The following CSTPP1 variants were observed in gnomAD, a reference collection of about 807,000 sequenced individuals.
The protein encoded by CSTPP1 is centriolar satellite-associated tubulin polyglutamylase complex regulator 1, also known as UPF0705 protein C11orf49.
At chr11:47,054,168 G>A in the CSTPP1 span, among the ~76,000 whole-genome samples, 25 of 150,946 alleles carry the variant, frequency 1.7e-4, no homozygotes, top group East Asian at 2.9e-3. Flanking sequence ...AAAATTAGCC[G>A]GGTGTGGTGG....
chr11:47,008,956 A>T, the CSTPP1 span, among the ~76,000 whole-genome samples: 1 of 151,914 alleles, frequency 6.6e-6, no homozygotes, highest in Non-Finnish European at 1.5e-5. Context: ...CCAGGAACCC[A>T]GGAGGTGGAA....
chr11:46,982,032 T>C, the CSTPP1 span, among the ~76,000 whole-genome samples: 4 of 152,120 alleles, frequency 2.6e-5, no homozygotes, highest in African/African-American at 9.7e-5. Flanking sequence ...CAAGATCAAA[T>C]ACTAGATTAT....
the CSTPP1 span, among the ~76,000 whole-genome samples, chr11:47,012,432 T>C: frequency 6.6e-6 from 1 of 151,832 alleles, no homozygotes; most frequent in African/African-American, 2.4e-5. Flanking sequence ...TTGATTAAGA[T>C]AATGGAGAGA....
chr11:47,139,001 A>AAC, the CSTPP1 span, among the ~76,000 whole-genome samples: 3 of 150,332 alleles, frequency 2.0e-5, no homozygotes, highest in Middle Eastern at 3.4e-3. Context: ...AAAAAAAAAA[A>AAC]AAAAAAAAAA....
the CSTPP1 span, among the ~76,000 whole-genome samples, chr11:46,938,949 T>A: frequency 6.6e-6 from 1 of 151,902 alleles, no homozygotes; most frequent in South Asian, 2.1e-4. Context: ...GTTAATTTTT[T>A]AATTTTTTGT....
the CSTPP1 span, among the ~76,000 whole-genome samples, chr11:46,937,567 A>G: frequency 6.6e-6 from 1 of 152,102 alleles, no homozygotes; most frequent in African/African-American, 2.4e-5. Flanking sequence ...CACAATACAC[A>G]TTTTATTTTA....
At chr11:47,058,365 A>C in the CSTPP1 span, among the ~76,000 whole-genome samples, 1 of 152,174 alleles carries the variant, frequency 6.6e-6, no homozygotes, top group African/African-American at 2.4e-5. Context: ...ACCAGACATT[A>C]AAAGAAGCAG....
the CSTPP1 span, among the ~76,000 whole-genome samples, chr11:46,966,229 G>A: frequency 3.9e-4 from 59 of 152,232 alleles, no homozygotes; most frequent in African/African-American, 1.3e-3. Flanking sequence ...TTTTAGTAGA[G>A]ACGGGGTTTC....
chr11:47,044,032 G>A, the CSTPP1 span, among the ~76,000 whole-genome samples: 2 of 152,090 alleles, frequency 1.3e-5, no homozygotes, highest in East Asian at 3.8e-4. Flanking sequence ...TGTCACCCAG[G>A]CTGGAGTGTA....
chr11:47,069,716 ATTT>A, the CSTPP1 span, among the ~76,000 whole-genome samples: 1 of 149,502 alleles, frequency 6.7e-6, no homozygotes, highest in African/African-American at 2.4e-5. Flanking sequence ...TATTATTATT[ATTT>A]TTTTTTTGAG....
At chr11:46,999,497 G>A in the CSTPP1 span, among the ~76,000 whole-genome samples, 1 of 152,178 alleles carries the variant, frequency 6.6e-6, no homozygotes, top group East Asian at 1.9e-4. Flanking sequence ...GTTGCTAGAG[G>A]GCTAACCAGA....
At chr11:46,966,292 C>T in the CSTPP1 span, among the ~76,000 whole-genome samples, 65 of 152,238 alleles carry the variant, frequency 4.3e-4, 1 homozygote, top group Admixed American at 3.7e-3. Flanking sequence ...CTGCCTGCCT[C>T]GGCCTCCCAA....
the CSTPP1 span, among the ~76,000 whole-genome samples, chr11:47,151,990 T>C: frequency 6.6e-6 from 1 of 152,088 alleles, no homozygotes; most frequent in East Asian, 1.9e-4. Context: ...TGCCATGAGG[T>C]AGGGTACTCA....
At chr11:47,033,072 C>T in the CSTPP1 span, among the ~76,000 whole-genome samples, 1 of 152,108 alleles carries the variant, frequency 6.6e-6, no homozygotes, top group African/African-American at 2.4e-5. Flanking sequence ...TAAAGACCTC[C>T]ATCTTTTTCT....
At chr11:47,100,432 A>T in the CSTPP1 span, among the ~76,000 whole-genome samples, 1 of 152,230 alleles carries the variant, frequency 6.6e-6, no homozygotes, top group Non-Finnish European at 1.5e-5. Context: ...TTCAGACAAA[A>T]AGGAAATGAA....
At chr11:47,156,733 G>GA in the CSTPP1 span, among the ~76,000 whole-genome samples, 23 of 147,800 alleles carry the variant, frequency 1.6e-4, no homozygotes, top group East Asian at 3.9e-4. Flanking sequence ...CTAAGTGCCA[G>GA]AAAAAAAAAA....
At chr11:47,127,297 A>G in the CSTPP1 span, among the ~76,000 whole-genome samples, 1 of 152,346 alleles carries the variant, frequency 6.6e-6, no homozygotes, top group East Asian at 1.9e-4. Flanking sequence ...AAAAGTGATA[A>G]TGCATATGAA....
At chr11:46,957,536 T>C in the CSTPP1 span, among the ~76,000 whole-genome samples, 3 of 152,240 alleles carry the variant, frequency 2.0e-5, no homozygotes, top group African/African-American at 7.2e-5. Context: ...CCCCTATCTT[T>C]TAGCTTTCTG....
At chr11:47,154,905 G>A in the CSTPP1 span, 2 of 521,216 alleles carry the variant, frequency 3.8e-6, no homozygotes, top group Non-Finnish European at 6.9e-6. Flanking sequence ...TGGTGCCACT[G>A]AGACTGAACC....
Sources: gnomAD v4.1 joint callset for allele counts (sites outside exome capture counted in the v4.1 genomes callset) on GRCh38, gnomAD v4.1.1 for gene constraint, MANE v1.5 for transcripts, NCBI Gene and HGNC (gene_info 2026-07-23, HGNC 2026-07-21) for gene names.